The following UBE2E2 variants were observed in gnomAD, a reference collection of about 807,000 sequenced individuals.
The protein encoded by UBE2E2 is ubiquitin conjugating enzyme E2 E2.
In UBE2E2, 6 loss-of-function variants were observed where a neutral mutation model predicts 24.7. The observed-to-expected ratio is 0.24, with a 90% CI of 0.13 to 0.48. UBE2E2 has a LOEUF of 0.48. UBE2E2 is among the 20% of genes least tolerant of loss of function. The probability of loss-of-function intolerance (pLI) is 0.99; values close to 1 mark genes in which losing one functional copy is unlikely to be tolerated. For missense variants in UBE2E2, 169 were observed against 245.0 expected, an observed-to-expected ratio of 0.69 and a Z score of 2.07; for synonymous variants, 104 against 83.6, an observed-to-expected ratio of 1.24 and a Z score of -1.33.
At chr3:23,281,977 T>G (rs1293970854) in intron 3 of UBE2E2, among the ~76,000 whole-genome samples, 1 of 152,198 alleles carries the variant, frequency 6.6e-6, no homozygotes, top group Non-Finnish European at 1.5e-5. Context: ...GTCCTCAAAA[T>G]CATCCTAAAA....
chr3:23,391,016 ATTGT>A (rs770815902), intron 3 of UBE2E2, among the ~76,000 whole-genome samples: 26 of 152,206 alleles, frequency 1.7e-4, no homozygotes, highest in Admixed American at 9.8e-4. Flanking sequence ...TTCAATGCTT[ATTGT>A]TTGTTTATGA....
chr3:23,547,880 A>C (rs975345364), intron 5 of UBE2E2, among the ~76,000 whole-genome samples: 1 of 152,186 alleles, frequency 6.6e-6, no homozygotes, highest in Non-Finnish European at 1.5e-5. Flanking sequence ...TGAGGTGATC[A>C]CATTGACTTT....
chr3:23,426,294 C>A, intron 3 of UBE2E2, among the ~76,000 whole-genome samples: 1 of 150,868 alleles, frequency 6.6e-6, no homozygotes, highest in Admixed American at 6.6e-5. Flanking sequence ...GAATACCAAA[C>A]GAAGTAAAAA....
chr3:23,430,745 T>G (rs938058174), intron 3 of UBE2E2, among the ~76,000 whole-genome samples: 1 of 152,192 alleles, frequency 6.6e-6, no homozygotes, highest in Non-Finnish European at 1.5e-5. Flanking sequence ...GGTCTTGAAC[T>G]CCTTGCCTCA....
At chr3:23,327,400 T>G (rs1473225515) in intron 3 of UBE2E2, among the ~76,000 whole-genome samples, 1 of 152,240 alleles carries the variant, frequency 6.6e-6, no homozygotes, top group Admixed American at 6.5e-5. Context: ...ATTGTGGTTT[T>G]GATTTGCATT....
rs1395317497 is a variant in UBE2E2 at position 23,294,650 on chromosome 3, TTTA to T, written c.227+77341_227+77343del. ...AGATATTTTTGTATCTTTAGATTAT[TTTA>T]TTTATTATTTTAAATAAATATAATA... On this transcript the variant is annotated intron_variant, in intron 3 of 5. Coordinates refer to ENST00000396703, the MANE Select transcript of UBE2E2 (RefSeq NM_152653.4). Among the ~76,000 whole-genome samples, 48 of 143,954 alleles carry T rather than the reference TTTA, an allele frequency of 3.3e-4. No individual in the cohort carries two copies. In the East Asian group the frequency reaches 9.2e-3, roughly 28 times the overall value. 94.4% of individuals were successfully genotyped at this position (143,954 alleles called of 152,430 possible). A position where few individuals can be genotyped will look rare whatever the true frequency, so the allele number is the denominator to read the frequency against.
At chr3:23,322,569 C>A (rs1694773842) in intron 3 of UBE2E2, among the ~76,000 whole-genome samples, 1 of 151,996 alleles carries the variant, frequency 6.6e-6, no homozygotes, top group Non-Finnish European at 1.5e-5. Flanking sequence ...TGTATATGTT[C>A]ATTTATTTTA....
intron 3 of UBE2E2, among the ~76,000 whole-genome samples, chr3:23,495,802 G>A (rs1699586210): frequency 1.3e-5 from 2 of 152,090 alleles, no homozygotes; most frequent in Admixed American, 1.3e-4. Context: ...AGGAAAAGGA[G>A]GTAATGGGGT....
intron 3 of UBE2E2, among the ~76,000 whole-genome samples, chr3:23,270,003 G>A (rs1225066849): frequency 2.6e-5 from 4 of 152,092 alleles, no homozygotes; most frequent in Non-Finnish European, 5.9e-5. Flanking sequence ...CTGTATAACT[G>A]TGCTGACCCC....
intron 5 of UBE2E2, among the ~76,000 whole-genome samples, chr3:23,584,397 G>A (rs1696561635): frequency 6.6e-6 from 1 of 151,964 alleles, no homozygotes; most frequent in African/African-American, 2.4e-5. Context: ...CCTTTTCTAG[G>A]TGGGACTATA....
chr3:23,477,396 T>A (rs916538923), intron 3 of UBE2E2, among the ~76,000 whole-genome samples: 1 of 152,068 alleles, frequency 6.6e-6, no homozygotes, highest in Non-Finnish European at 1.5e-5. Flanking sequence ...TAATTTGGAG[T>A]CACTACCTTA....
At chr3:23,397,919 C>G (rs1697117642) in intron 3 of UBE2E2, among the ~76,000 whole-genome samples, 1 of 152,044 alleles carries the variant, frequency 6.6e-6, no homozygotes, top group African/African-American at 2.4e-5. Flanking sequence ...ACTAATTTCT[C>G]CCTAATTCTT....
chr3:23,351,446 G>T (rs551254076), intron 3 of UBE2E2, among the ~76,000 whole-genome samples: 10 of 152,308 alleles, frequency 6.6e-5, no homozygotes, highest in African/African-American at 2.2e-4. Flanking sequence ...TGGCAAATTG[G>T]ATAAAGAGTC....
At chr3:23,539,868 A>G (rs1312533078) in intron 5 of UBE2E2, among the ~76,000 whole-genome samples, 1 of 152,162 alleles carries the variant, frequency 6.6e-6, no homozygotes, top group African/African-American at 2.4e-5. Flanking sequence ...AAGTACATAT[A>G]GGAAATATTA....
intron 3 of UBE2E2, among the ~76,000 whole-genome samples, chr3:23,481,937 G>A (rs776088475): frequency 2.4e-4 from 36 of 152,168 alleles, no homozygotes; most frequent in Non-Finnish European, 4.6e-4. Context: ...GGCAATAATA[G>A]CTACTGTAGA....
intron 3 of UBE2E2, among the ~76,000 whole-genome samples, chr3:23,351,825 C>T (rs968376294): frequency 4.1e-4 from 63 of 152,080 alleles, no homozygotes; most frequent in African/African-American, 1.4e-3. Flanking sequence ...GACAGATCAA[C>T]GAGACAGAAA....
At chr3:23,476,916 G>T (rs1699151909) in intron 3 of UBE2E2, among the ~76,000 whole-genome samples, 1 of 152,034 alleles carries the variant, frequency 6.6e-6, no homozygotes, top group South Asian at 2.1e-4. Context: ...CATTTGTAGT[G>T]TTGATTTAAT....
intron 4 of UBE2E2, among the ~76,000 whole-genome samples, chr3:23,523,229 G>A (rs1694909410): frequency 1.3e-5 from 2 of 152,194 alleles, no homozygotes; most frequent in Non-Finnish European, 1.5e-5. Context: ...CAAGCATCCT[G>A]CGCTGTAGGA....
chr3:23,349,751 C>A (rs984995220), intron 3 of UBE2E2, among the ~76,000 whole-genome samples: 2 of 152,214 alleles, frequency 1.3e-5, no homozygotes, highest in African/African-American at 4.8e-5. Context: ...TGGGTGGAGC[C>A]CACCACAGCC....
Sources: gnomAD v4.1 joint callset for allele counts (sites outside exome capture counted in the v4.1 genomes callset) on GRCh38, gnomAD v4.1.1 for gene constraint, MANE v1.5 for transcripts, NCBI Gene and HGNC (gene_info 2026-07-23, HGNC 2026-07-21) for gene names.